Variants in CDH13 observed in about 807,000 individuals in gnomAD.
CDH13 encodes the protein cadherin-13.
In CDH13, 24 loss-of-function variants were observed where a neutral mutation model predicts 63.8. The observed-to-expected ratio is 0.38, with a 90% CI of 0.27 to 0.53. The LOEUF (loss-of-function observed/expected upper bound fraction) is 0.53. Ranked by LOEUF, CDH13 falls within the 20% of genes least tolerant of loss-of-function variation. The pLI is 0.85. For missense variants in CDH13, 1,049 were observed against 903.1 expected, an observed-to-expected ratio of 1.16 and a Z score of -2.07; for synonymous variants, 503 against 355.3, an observed-to-expected ratio of 1.42 and a Z score of -4.67.
intron 1 of CDH13, among the ~76,000 whole-genome samples, chr16:82,832,336 C>T (rs960739412): frequency 1.3e-5 from 2 of 152,122 alleles, no homozygotes; most frequent in Non-Finnish European, 2.9e-5. Flanking sequence ...GCTTGATTTT[C>T]AACCCTTATT....
intron 5 of CDH13, among the ~76,000 whole-genome samples, chr16:83,229,441 G>A (rs187018505): frequency 1.1e-3 from 160 of 152,050 alleles, no homozygotes; most frequent in African/African-American, 3.7e-3. Flanking sequence ...ATTTAGTCTG[G>A]CATAATTTCC....
chr16:82,655,616 C>T (rs1442034623), intron 1 of CDH13, among the ~76,000 whole-genome samples: 1 of 152,092 alleles, frequency 6.6e-6, no homozygotes, highest in Non-Finnish European at 1.5e-5. Context: ...AAGGCAGTGA[C>T]ATCATTTGTT....
chr16:82,927,761 G>A (rs192028004), intron 2 of CDH13, among the ~76,000 whole-genome samples: 52 of 152,218 alleles, frequency 3.4e-4, no homozygotes, highest in Admixed American at 9.2e-4. Context: ...GTTACTCACC[G>A]CTCAGTCCTC....
At chr16:82,714,101 G>C (rs2032172945) in intron 1 of CDH13, among the ~76,000 whole-genome samples, 2 of 152,078 alleles carry the variant, frequency 1.3e-5, no homozygotes, top group Non-Finnish European at 2.9e-5. Flanking sequence ...ACCTGAACAA[G>C]TGGGTGTTGT....
At chr16:82,851,540 T>C (rs997028608) in intron 1 of CDH13, among the ~76,000 whole-genome samples, 8 of 151,916 alleles carry the variant, frequency 5.3e-5, no homozygotes, top group African/African-American at 1.9e-4. Flanking sequence ...TGTAAAACCA[T>C]TTGTAAGTGT....
intron 7 of CDH13, among the ~76,000 whole-genome samples, chr16:83,519,656 C>G (rs1356412951): frequency 6.6e-6 from 1 of 152,066 alleles, no homozygotes; most frequent in African/African-American, 2.4e-5. Context: ...ATTAGCTGTT[C>G]AAAGAAATCT....
At chr16:83,288,008 C>G (rs909647617) in intron 5 of CDH13, among the ~76,000 whole-genome samples, 1 of 152,200 alleles carries the variant, frequency 6.6e-6, no homozygotes, top group Non-Finnish European at 1.5e-5. Context: ...TGATTTCTTT[C>G]GTTTGACTCA....
intron 7 of CDH13, among the ~76,000 whole-genome samples, chr16:83,524,815 G>C (rs181014783): frequency 3.9e-5 from 6 of 152,204 alleles, no homozygotes; most frequent in African/African-American, 1.4e-4. Flanking sequence ...GTAGCACTGA[G>C]AGTGTCAAGT....
intron 4 of CDH13, among the ~76,000 whole-genome samples, chr16:83,216,427 T>TATACATATATATATATATAA (rs1555513897): frequency 2.2e-5 from 1 of 45,056 alleles, no homozygotes; most frequent in Non-Finnish European, 5.0e-5. Flanking sequence ...TATATATATA[T>TATACATATATATATATATAA]ATATATATAT....
intron 8 of CDH13, among the ~76,000 whole-genome samples, chr16:83,625,612 C>T (rs996693053): frequency 1.3e-4 from 20 of 152,188 alleles, no homozygotes; most frequent in African/African-American, 3.6e-4. Flanking sequence ...GCATTTGTGC[C>T]GCTCTTTTTC....
chr16:83,080,871 G>GTTTTTTTTTTTTTTTGTTTTTT (rs2033186740), intron 3 of CDH13, among the ~76,000 whole-genome samples: 1 of 46,928 alleles, frequency 2.1e-5, no homozygotes, highest in African/African-American at 9.3e-5. Context: ...TTGTTTTTGT[G>GTTTTTTTTTTTTTTTGTTTTTT]TTTTTTTTTT....
intron 3 of CDH13, among the ~76,000 whole-genome samples, chr16:83,036,148 T>C (rs1240651739): frequency 6.8e-6 from 1 of 146,970 alleles, no homozygotes; most frequent in African/African-American, 2.5e-5. Context: ...CTCCTCTTTT[T>C]TTTTTTTTTT....
intron 7 of CDH13, among the ~76,000 whole-genome samples, chr16:83,493,608 A>G (rs2074070172): frequency 6.6e-6 from 1 of 152,204 alleles, no homozygotes. Context: ...GCATATTCAC[A>G]TGCTACTTAA....
At chr16:82,848,613 A>G (rs1306966873) in intron 1 of CDH13, among the ~76,000 whole-genome samples, 2 of 150,358 alleles carry the variant, frequency 1.3e-5, no homozygotes, top group African/African-American at 2.5e-5. Context: ...AACTGTGCCC[A>G]TATAAGATGC....
intron 1 of CDH13, among the ~76,000 whole-genome samples, chr16:82,641,548 A>C (rs1165522443): frequency 6.6e-6 from 1 of 152,146 alleles, no homozygotes; most frequent in Non-Finnish European, 1.5e-5. Flanking sequence ...AAGCCCTAGA[A>C]TGCTACCTTA....
chr16:83,015,199 T>C (rs925526165), intron 2 of CDH13, among the ~76,000 whole-genome samples: 3 of 151,928 alleles, frequency 2.0e-5, no homozygotes, highest in Middle Eastern at 3.2e-3. Context: ...AGGCTGCATC[T>C]CCTATTTCAC....
At chr16:83,465,618 C>T (rs145184116) in intron 6 of CDH13, among the ~76,000 whole-genome samples, 17 of 152,304 alleles carry the variant, frequency 1.1e-4, no homozygotes, top group Admixed American at 2.0e-4. Context: ...ATGCTTGATG[C>T]CTGTGTCGTT....
chr16:83,445,083 G>T (rs2072634873), intron 6 of CDH13, among the ~76,000 whole-genome samples: 1 of 151,862 alleles, frequency 6.6e-6, no homozygotes, highest in Non-Finnish European at 1.5e-5. Flanking sequence ...CTTAATTTTT[G>T]ATATTTTTCA....
At chr16:82,870,502 G>A (rs2040306551) in intron 2 of CDH13, among the ~76,000 whole-genome samples, 1 of 152,164 alleles carries the variant, frequency 6.6e-6, no homozygotes, top group Non-Finnish European at 1.5e-5. Flanking sequence ...GGGTCCTGGG[G>A]AGGGAGAATA....
Sources: allele counts gnomAD v4.1 joint callset (sites outside exome capture counted in the v4.1 genomes callset), GRCh38; gene constraint gnomAD v4.1.1; transcripts MANE v1.5; gene names NCBI Gene and HGNC (gene_info 2026-07-23, HGNC 2026-07-21).